HYDIN: variants seen among roughly 807,000 people sequenced by gnomAD.
HYDIN encodes the protein HYDIN axonemal central pair apparatus protein.
In HYDIN, 132 loss-of-function variants were observed where a neutral mutation model predicts 403.9. The observed-to-expected ratio is 0.33, with a 90% confidence interval of 0.28 to 0.38. The LOEUF is 0.38. Among genes scored for constraint, HYDIN ranks in the 10% least tolerant of loss-of-function variants. HYDIN has a pLI of 1.00. For missense variants in HYDIN, 2,827 were observed against 5,009.5 expected (o/e 0.56, Z 13.15); for synonymous variants, 1,202 against 1,891.7 (o/e 0.64, Z 9.46).
chr16:70,969,308 A>G (rs2078671978), intron 36 of HYDIN, among the ~76,000 whole-genome samples: 1 of 151,836 alleles, frequency 6.6e-6, no homozygotes, highest in Non-Finnish European at 1.5e-5. Flanking sequence ...AAATCAATAA[A>G]CCAAAGAAAT....
At chr16:70,961,539 G>A (rs2078419721) in intron 38 of HYDIN, among the ~76,000 whole-genome samples, 1 of 152,142 alleles carries the variant, frequency 6.6e-6, no homozygotes, top group African/African-American at 2.4e-5. Flanking sequence ...TGCAAAACTT[G>A]GGGAAAATAA....
In HYDIN at chr16:71,040,019, C is replaced by T. The variant is rs377055827; in HGVS notation, c.2530-8102G>A. ...GATTGCAGGCACCGCCCCCGCCCAC[C>T]GCCCCCAAGATGCTGCCACAGGGCT... is the stretch of plus-strand genomic sequence containing the variant. On this transcript the variant is annotated intron_variant, in intron 18 of 85. Coordinates refer to ENST00000393567, the MANE Select transcript of HYDIN (RefSeq NM_001270974.2). Among the ~76,000 whole-genome samples the T allele has an allele frequency of 2.7e-3, 413 of 152,072 alleles. 3 individuals carry two copies. The highest frequency in any genetic ancestry group is 9.0e-3 in the African/African-American group (372 of 41,512).
At chr16:71,111,954 TGAG>T (rs200862646) in intron 10 of HYDIN, among the ~76,000 whole-genome samples, 2,188 of 130,910 alleles carry the variant, frequency 0.017, 56 homozygotes, top group African/African-American at 0.06. Context: ...CACAGAAGGC[TGAG>T]GAGGATGAAT....
At chr16:71,004,656 T>C (rs2079838050) in intron 23 of HYDIN, among the ~76,000 whole-genome samples, 1 of 152,170 alleles carries the variant, frequency 6.6e-6, no homozygotes, top group South Asian at 2.1e-4. Context: ...ATTTTTGAAT[T>C]AATGAGTGTG....
At chr16:71,027,520 T>A in intron 20 of HYDIN, 82 bp downstream of exon 20, 1 of 1,545,360 alleles carries the variant, frequency 6.5e-7, no homozygotes, top group Non-Finnish European at 8.7e-7. Context: ...CAGATAAATG[T>A]CAAGGGACTT....
At chr16:70,950,868 C>G (rs1403466981) in intron 41 of HYDIN, among the ~76,000 whole-genome samples, 1 of 152,146 alleles carries the variant, frequency 6.6e-6, no homozygotes, top group Non-Finnish European at 1.5e-5. Context: ...GTTATAAGAG[C>G]ACACCCCCTC....
At chr16:70,867,067 T>G (rs371370601) in intron 66 of HYDIN, among the ~76,000 whole-genome samples, 2 of 141,752 alleles carry the variant, frequency 1.4e-5, no homozygotes, top group East Asian at 4.0e-4. Context: ...ATAAATTTGG[T>G]AAGGATATTT....
At chr16:71,195,634 C>A (rs1389660383) in intron 1 of HYDIN, among the ~76,000 whole-genome samples, 1 of 152,084 alleles carries the variant, frequency 6.6e-6, no homozygotes, top group Non-Finnish European at 1.5e-5. Flanking sequence ...TTTATTTGAT[C>A]TTTTTAAAAC....
At chr16:71,164,623 AC>A (rs1203353254) in intron 5 of HYDIN, among the ~76,000 whole-genome samples, 14 of 59,612 alleles carry the variant, frequency 2.3e-4, no homozygotes, top group African/African-American at 6.3e-4. Flanking sequence ...AATAGCCTTT[AC>A]GCCTGTAGTT....
Position 70,978,904 on chromosome 16 carries a change from G to C in HYDIN, c.4638+10C>G, listed in dbSNP as rs779868460. 5.0e-6 allele frequency: 8 copies of C among 1,612,418 alleles called. No homozygotes were observed. The South Asian group carries it at 6.6e-5, about 13-fold the overall frequency. ...GCACAGGCGTCCCGTGCAGGCTGGA[G>C]CTGTCTTACCTCAGCAGGCTCGTCT... On this transcript the variant is annotated intron_variant, in intron 30 of 85. Transcript: ENST00000393567.
chr16:71,110,429 A>G (rs1017050052), intron 10 of HYDIN, among the ~76,000 whole-genome samples: 6 of 141,576 alleles, frequency 4.2e-5, no homozygotes, highest in African/African-American at 1.6e-4. Flanking sequence ...ATATATAATT[A>G]TAAATATATA....
At chr16:71,129,539 T>G (rs1233306620) in intron 9 of HYDIN, 101 bp downstream of exon 9, 3 of 1,184,428 alleles carry the variant, frequency 2.5e-6, no homozygotes, top group Non-Finnish European at 3.5e-6. Context: ...TTCACTCTCT[T>G]GCAACTCACC....
chr16:71,139,888 A>G (rs1250221829), intron 7 of HYDIN, among the ~76,000 whole-genome samples: 1 of 151,774 alleles, frequency 6.6e-6, no homozygotes, highest in Non-Finnish European at 1.5e-5. Context: ...ACAGTTCAAA[A>G]GGCCAGTGAA....
At chr16:70,981,640 A>C in intron 28 of HYDIN, 72 bp from the exon 29 acceptor site, 1 of 1,458,788 alleles carries the variant, frequency 6.9e-7, no homozygotes. Flanking sequence ...TAAATTACTT[A>C]AAACAACAAC....
chr16:71,129,686 C>G lies in HYDIN; in HGVS notation c.1181G>C (p.Gly394Ala). ...TFANQRRLVQ[G>A]DSKLFFNNVF... ...GTTATTGAAGAACAGCTTGCTGTCT[C>G]CCTGCACCAGCCTCCTCTGATTCGC... is the stretch of plus-strand genomic sequence containing the variant. Residue 394 changes from glycine to alanine, a missense_variant, in exon 9 of 86, where the codon GGA (glycine) becomes GCA (alanine). Coordinates refer to ENST00000393567, the MANE Select transcript of HYDIN (RefSeq NM_001270974.2). 6.2e-7 allele frequency: 1 copy of G among 1,614,240 alleles called. No homozygotes were observed. Among genetic ancestry groups the G allele is most frequent in the Non-Finnish European group, 8.5e-7 (1 of 1,180,044 alleles).
At chr16:71,019,196 T>G (rs1597561051) in intron 22 of HYDIN, among the ~76,000 whole-genome samples, 1 of 152,230 alleles carries the variant, frequency 6.6e-6, no homozygotes, top group South Asian at 2.1e-4. Flanking sequence ...TGGCTATGAG[T>G]TGGCTTTTTT....
chr16:71,203,616 A>T (rs2088138004), intron 1 of HYDIN: 3 of 398,216 alleles, frequency 7.5e-6, no homozygotes, highest in Non-Finnish European at 1.5e-5. Context: ...AAATTCAGGA[A>T]TTAAGAAAAA....
chr16:71,168,843 A>G (rs866778964), intron 5 of HYDIN, among the ~76,000 whole-genome samples: 11 of 152,230 alleles, frequency 7.2e-5, no homozygotes, highest in Admixed American at 4.6e-4. Context: ...TGGGAAATGT[A>G]ATTTCTTATT....
chr16:71,042,291 C>T (rs1389492637), intron 18 of HYDIN, among the ~76,000 whole-genome samples: 1 of 152,210 alleles, frequency 6.6e-6, no homozygotes, highest in African/African-American at 2.4e-5. Context: ...GAATCCTTAC[C>T]TGTCAACACA....
Sources: allele counts gnomAD v4.1 joint callset (sites outside exome capture counted in the v4.1 genomes callset), GRCh38; gene constraint gnomAD v4.1.1; transcripts MANE v1.5; gene names NCBI Gene and HGNC (gene_info 2026-07-23, HGNC 2026-07-21).